The following NCKAP5 variants were observed in gnomAD, a reference collection of about 807,000 sequenced individuals.
NCKAP5 encodes nck-associated protein 5.
Under a neutral mutation model 167.0 loss-of-function variants are expected in NCKAP5, and 92 were observed. That is an observed-to-expected ratio of 0.55 (90% CI 0.47 to 0.66). The LOEUF is 0.66. Ranked by LOEUF, NCKAP5 falls within the 30% of genes least tolerant of loss-of-function variation. The pLI is 0.00. For synonymous variants in NCKAP5, 891 were observed against 877.4 expected, an observed-to-expected ratio of 1.02 and a Z score of -0.27; for missense variants, 2,378 against 2,315.0, an observed-to-expected ratio of 1.03 and a Z score of -0.56.
intron 3 of NCKAP5, among the ~76,000 whole-genome samples, chr2:133,387,219 G>C (rs1433168423): frequency 1.3e-5 from 2 of 152,088 alleles, no homozygotes; most frequent in African/African-American, 4.8e-5. Context: ...CTTCCTTCAG[G>C]AGCTCTTGTA....
At chr2:132,772,482 G>T (rs548737538) in intron 16 of NCKAP5, among the ~76,000 whole-genome samples, 2 of 152,236 alleles carry the variant, frequency 1.3e-5, no homozygotes, top group South Asian at 4.1e-4. Flanking sequence ...AATTCAGCTT[G>T]TAACTTTATA....
intron 19 of NCKAP5, among the ~76,000 whole-genome samples, chr2:132,709,178 TAA>T (rs1215427768): frequency 2.6e-5 from 4 of 151,652 alleles, no homozygotes; most frequent in East Asian, 1.9e-4. Context: ...CAAGTGAATT[TAA>T]AAAAAAGTTT....
At chr2:133,101,899 T>G (rs1241167405) in intron 6 of NCKAP5, among the ~76,000 whole-genome samples, 1 of 152,102 alleles carries the variant, frequency 6.6e-6, no homozygotes, top group Non-Finnish European at 1.5e-5. Context: ...GACTCCGTCA[T>G]GTAGCATGCA....
chr2:132,826,846 T>C (rs111249395), intron 11 of NCKAP5, among the ~76,000 whole-genome samples: 8 of 152,226 alleles, frequency 5.3e-5, no homozygotes, highest in African/African-American at 1.9e-4. Context: ...TAACAGACCA[T>C]TGATAGTAGA....
At chr2:132,970,159 A>T (rs2076790137) in intron 7 of NCKAP5, among the ~76,000 whole-genome samples, 1 of 152,286 alleles carries the variant, frequency 6.6e-6, no homozygotes, top group South Asian at 2.1e-4. Context: ...ACTCATAAAA[A>T]CACGACAGTA....
At chr2:133,244,833 A>G (rs1291710378) in intron 4 of NCKAP5, among the ~76,000 whole-genome samples, 1 of 152,204 alleles carries the variant, frequency 6.6e-6, no homozygotes, top group East Asian at 1.9e-4. Flanking sequence ...CTGCAAATAT[A>G]AGAGAGAAAA....
intron 6 of NCKAP5, among the ~76,000 whole-genome samples, chr2:133,014,980 T>A (rs936870820): frequency 6.6e-6 from 1 of 152,220 alleles, no homozygotes; most frequent in Non-Finnish European, 1.5e-5. Flanking sequence ...AATAAACACA[T>A]TAAAGTAAAT....
the NCKAP5 span, among the ~76,000 whole-genome samples, chr2:133,599,958 G>A: frequency 2.6e-5 from 4 of 152,236 alleles, no homozygotes; most frequent in East Asian, 1.9e-4. Context: ...TGGGGTGAGC[G>A]AATGCCAAAA....
intron 5 of NCKAP5, among the ~76,000 whole-genome samples, chr2:133,172,654 G>A (rs1041389667): frequency 2.0e-5 from 3 of 151,182 alleles, no homozygotes; most frequent in Middle Eastern, 3.4e-3. Flanking sequence ...TTTTTTTGTT[G>A]TTGTTGTTTT....
chr2:132,674,242 A>G (rs1368872128), intron 19 of NCKAP5, among the ~76,000 whole-genome samples: 1 of 152,204 alleles, frequency 6.6e-6, no homozygotes, highest in Non-Finnish European at 1.5e-5. Flanking sequence ...GTTACCATTT[A>G]TTAAGCATCC....
intron 3 of NCKAP5, among the ~76,000 whole-genome samples, chr2:133,382,471 C>A (rs1300169811): frequency 6.6e-6 from 1 of 152,212 alleles, no homozygotes; most frequent in Non-Finnish European, 1.5e-5. Context: ...CCTACAGGAT[C>A]TGACCGCTGT....
At chr2:132,935,801 C>T (rs555219162) in intron 8 of NCKAP5, among the ~76,000 whole-genome samples, 3 of 152,042 alleles carry the variant, frequency 2.0e-5, no homozygotes, top group Admixed American at 6.6e-5. Context: ...AGGATGAGTT[C>T]AAAGGCCATG....
At chr2:133,520,029 TA>T (rs879297119) in intron 2 of NCKAP5, among the ~76,000 whole-genome samples, 1,916 of 143,208 alleles carry the variant, frequency 0.013, 18 homozygotes, top group Non-Finnish European at 0.02. Flanking sequence ...CTACTAAAAA[TA>T]AAAAAAAAAA....
At chr2:133,536,241 G>T (rs1330085148) in intron 2 of NCKAP5, among the ~76,000 whole-genome samples, 1 of 152,022 alleles carries the variant, frequency 6.6e-6, no homozygotes, top group Admixed American at 6.6e-5. Context: ...TATTTCCAAG[G>T]TTTTCTTCTA....
At chr2:133,160,521 A>G (rs530920175) in intron 5 of NCKAP5, among the ~76,000 whole-genome samples, 2 of 150,506 alleles carry the variant, frequency 1.3e-5, no homozygotes, top group Admixed American at 6.7e-5. Context: ...AAAGATTCAG[A>G]GAACTCCCAG....
rs1173831172 is a variant in NCKAP5 at position 132,796,706 on chromosome 2, A to G, written c.831T>C (p.Asp277=). Reference sequence around the variant, plus strand: ...CTGAAAGCAAATCTCCAGATGAAAGATCCAAGAGACGTGAGTGAAGTTTCT... The same window carrying G: ...CTGAAAGCAAATCTCCAGATGAAAGGTCCAAGAGACGTGAGTGAAGTTTCT... ...LLQKLHSRLL[D]LSSGDLLSEV... The change falls in exon 12 of 20, where the codon GAT becomes GAC. Residue 277 remains aspartate (D), a synonymous_variant. Coordinates refer to ENST00000409261, the MANE Select transcript of NCKAP5 (RefSeq NM_207363.3). 2 of 1,613,222 alleles carry G rather than the reference A, an allele frequency of 1.2e-6. No individual in the cohort carries two copies. The highest frequency in any genetic ancestry group is 2.2e-5 in the South Asian group (2 of 90,932).
At chr2:132,702,769 G>A (rs964155107) in intron 19 of NCKAP5, among the ~76,000 whole-genome samples, 6 of 152,164 alleles carry the variant, frequency 3.9e-5, no homozygotes, top group Middle Eastern at 3.4e-3. Flanking sequence ...TTACTGTTTG[G>A]CTGTGATTTC....
the NCKAP5 span, among the ~76,000 whole-genome samples, chr2:133,660,641 T>A: frequency 2.6e-5 from 4 of 152,262 alleles, no homozygotes; most frequent in East Asian, 7.7e-4. Flanking sequence ...AAGAGAACTA[T>A]CTCCAAAGTC....
intron 3 of NCKAP5, among the ~76,000 whole-genome samples, chr2:133,406,342 T>C (rs1377971500): frequency 1.3e-5 from 2 of 152,182 alleles, no homozygotes; most frequent in Admixed American, 6.5e-5. Flanking sequence ...GTAAGAAAAG[T>C]TATGCAGAAG....
Sources: gnomAD v4.1 joint callset for allele counts (sites outside exome capture counted in the v4.1 genomes callset) on GRCh38, gnomAD v4.1.1 for gene constraint, MANE v1.5 for transcripts, NCBI Gene and HGNC (gene_info 2026-07-23, HGNC 2026-07-21) for gene names.